Variants in CLCN5 observed in about 807,000 individuals in gnomAD.
The protein encoded by CLCN5 is Cl-/H+ antiporter 5, also known as H(+)/Cl(-) exchange transporter 5.
A neutral mutation model predicts 54.0 loss-of-function variants in CLCN5; 17 were observed. The ratio of observed to expected loss-of-function variants is 0.31; its 90% CI spans 0.22 to 0.47. The LOEUF is 0.47. CLCN5 is among the 20% of genes least tolerant of loss of function. The probability of loss-of-function intolerance (pLI) is 1.00; values close to 1 mark genes in which losing one functional copy is unlikely to be tolerated. For synonymous variants in CLCN5, 222 were observed against 233.0 expected (o/e 0.95, Z 0.43); for missense variants, 448 against 646.7 (o/e 0.69, Z 3.33).
chrX:49,981,528 T>G (rs1310272826), intron 3 of CLCN5, among the ~76,000 whole-genome samples: 1 of 111,643 alleles, frequency 9.0e-6, no homozygotes, highest in East Asian at 2.8e-4. Context: ...TGCCTCAGCT[T>G]TAGCATCTCA....
At chrX:49,952,378 AAG>A (rs1927079729) in intron 3 of CLCN5, among the ~76,000 whole-genome samples, 1 of 111,059 alleles carries the variant, frequency 9.0e-6, no homozygotes, top group Non-Finnish European at 1.9e-5. Flanking sequence ...CAAAAAAAAA[AAG>A]GGAAATAAAA....
At chrX:50,074,864 T>C (rs1004421251) in intron 6 of CLCN5, among the ~76,000 whole-genome samples, 1 of 111,816 alleles carries the variant, frequency 8.9e-6, no homozygotes, top group South Asian at 3.8e-4. Flanking sequence ...GGCTTTACTA[T>C]TTCCCTAAAG....
At chrX:50,033,092 G>A (rs1348109745) in intron 3 of CLCN5, among the ~76,000 whole-genome samples, 2 of 110,994 alleles carry the variant, frequency 1.8e-5, no homozygotes, top group Non-Finnish European at 3.8e-5. Flanking sequence ...CTCTGTTTTG[G>A]TACCAGTACC....
intron 8 of CLCN5, among the ~76,000 whole-genome samples, chrX:50,080,951 A>G: frequency 9.0e-6 from 1 of 111,046 alleles, no homozygotes; most frequent in East Asian, 2.9e-4. Flanking sequence ...GGCTCTGGAA[A>G]ACTTCCCCTG....
At chrX:50,004,568 A>G (rs1930056692) in intron 3 of CLCN5, among the ~76,000 whole-genome samples, 1 of 111,015 alleles carries the variant, frequency 9.0e-6, no homozygotes, top group Middle Eastern at 4.7e-3. Flanking sequence ...TATCTCTAAA[A>G]TCTAAGGCCG....
chrX:50,088,520 C>T (rs1050165576), intron 11 of CLCN5, 178 bp from the exon 12 acceptor site: 1 of 476,485 alleles, frequency 2.1e-6, no homozygotes, highest in Non-Finnish European at 3.7e-6. Flanking sequence ...CCTGCACGTC[C>T]CAGAGAACCT....
At position 50,090,704 on chromosome X, in the gene CLCN5, C is replaced by T; in HGVS notation, c.2178C>T (p.Ser726=). 8.3e-7 allele frequency: 1 copy of T among 1,209,981 alleles called. No individual in the cohort carries two copies. The highest frequency in any genetic ancestry group is 1.7e-5 in the African/African-American group (1 of 57,721). Residue 726 remains serine (S), a synonymous_variant, in exon 14 of 15, where the codon AGC becomes AGT. Transcript: ENST00000376091. ...NARKKQDGVV[S]TSIIYFTEHS... ...GAAAGAAACAGGATGGGGTTGTTAG[C>T]ACTTCCATCATTTATTTCACGGAGC...
intron 4 of CLCN5, among the ~76,000 whole-genome samples, chrX:50,056,521 ATTGCTTTCT>A (rs1328010915): frequency 9.0e-6 from 1 of 111,679 alleles, no homozygotes; most frequent in African/African-American, 3.3e-5. Flanking sequence ...TCATTGCCAC[ATTGCTTTCT>A]GTGGCATCTT....
chrX:50,088,186 G>C (rs1471773161), intron 11 of CLCN5, among the ~76,000 whole-genome samples: 2 of 111,843 alleles, frequency 1.8e-5, no homozygotes, highest in African/African-American at 6.5e-5. Flanking sequence ...TCTTGACCTT[G>C]GGTGGGTTAC....
chrX:50,084,236 T>C (rs1933812244), intron 9 of CLCN5, among the ~76,000 whole-genome samples: 1 of 112,297 alleles, frequency 8.9e-6, no homozygotes, highest in Non-Finnish European at 1.9e-5. Flanking sequence ...AACACAATGG[T>C]AAATATTTGT....
chrX:50,063,008 A>T (rs782190085), intron 4 of CLCN5, among the ~76,000 whole-genome samples: 1 of 110,765 alleles, frequency 9.0e-6, no homozygotes, highest in Admixed American at 9.6e-5. Context: ...CATTCAAAGC[A>T]GTGTGTAGAG....
intron 3 of CLCN5, among the ~76,000 whole-genome samples, chrX:50,007,445 C>CTG (rs1557181656): frequency 1.0e-5 from 1 of 99,744 alleles, no homozygotes; most frequent in Non-Finnish European, 2.0e-5. Context: ...CTCTGTCACA[C>CTG]ACACACACAC....
At chrX:49,995,614 T>C (rs782729631) in intron 3 of CLCN5, among the ~76,000 whole-genome samples, 7 of 111,675 alleles carry the variant, frequency 6.3e-5, no homozygotes, top group South Asian at 7.7e-4. Context: ...AAAGCATCAA[T>C]GAAGAGATAA....
At chrX:50,066,708 C>T (rs1489950539) in intron 4 of CLCN5, among the ~76,000 whole-genome samples, 1 of 111,974 alleles carries the variant, frequency 8.9e-6, no homozygotes, top group Non-Finnish European at 1.9e-5. Context: ...AATTTATTGT[C>T]AGGCTAAAAT....
intron 7 of CLCN5, among the ~76,000 whole-genome samples, chrX:50,077,622 G>A (rs1933473254): frequency 1.7e-5 from 1 of 58,711 alleles, no homozygotes; most frequent in South Asian, 7.1e-4. Context: ...GAGAGAGAGA[G>A]TGTGTGTGTG....
At chrX:49,967,456 A>G (rs868920620) in intron 3 of CLCN5, among the ~76,000 whole-genome samples, 2 of 89,571 alleles carry the variant, frequency 2.2e-5, no homozygotes, top group South Asian at 9.9e-4. Context: ...CCACTTTTTG[A>G]TGGGGTTGTT....
At chrX:50,038,745 G>A (rs1932098179) in intron 3 of CLCN5, among the ~76,000 whole-genome samples, 1 of 111,885 alleles carries the variant, frequency 8.9e-6, no homozygotes, top group Non-Finnish European at 1.9e-5. Flanking sequence ...GAGCAAATTA[G>A]CAATCAACAT....
Position 50,097,908 on chromosome X carries a change from C to A in CLCN5, c.*5689C>A. The A allele has an allele frequency of 8.9e-6, 1 of 112,416 alleles. No individual in the cohort carries two copies. Among genetic ancestry groups the A allele is most frequent in the Non-Finnish European group, 1.9e-5 (1 of 53,223 alleles). The allele number at this position is 112,416 out of a possible 1,213,427, so 9.3% of individuals were successfully genotyped here. ...GTACAAATCTGTTGGAATTCAGGGG[C>A]AGTCTAAGATTTGGTGAGTGAAATG... On this transcript the variant is annotated 3_prime_UTR_variant, in exon 15 of 15. Coordinates refer to ENST00000376091, the MANE Select transcript of CLCN5 (RefSeq NM_001127898.4).
At position 49,966,193 on chromosome X, in the gene CLCN5, G is replaced by A. The variant is rs189573498; in HGVS notation, c.16+40879G>A. 3.7e-3 allele frequency among the ~76,000 whole-genome samples: 410 copies of A among 111,127 alleles called. 1 individual carries two copies. Among genetic ancestry groups the A allele is most frequent in the Non-Finnish European group, 4.9e-3 (260 of 52,971 alleles). ...TGGTAGAATTCTAGTGAAGCCATCT[G>A]GACTTGGAGTTTTATTTAGGGGAAT... On this transcript the variant is annotated intron_variant, in intron 3 of 14. Transcript: ENST00000376091.
Sources: allele counts gnomAD v4.1 joint callset (sites outside exome capture counted in the v4.1 genomes callset), GRCh38; gene constraint gnomAD v4.1.1; transcripts MANE v1.5; gene names NCBI Gene and HGNC (gene_info 2026-07-23, HGNC 2026-07-21).